The following ST8SIA6 variants were observed in gnomAD, a reference collection of about 807,000 sequenced individuals.
The protein encoded by ST8SIA6 is alpha-2,8-sialyltransferase 8F.
In ST8SIA6, 39 loss-of-function variants were observed where a neutral mutation model predicts 33.6. The observed-to-expected ratio is 1.16, with a 90% CI of 0.90 to 1.52. The LOEUF (loss-of-function observed/expected upper bound fraction) is 1.52. ST8SIA6 is among the 40% of genes most tolerant of loss of function. ST8SIA6 has a pLI of 0.00. For synonymous variants in ST8SIA6, 172 were observed against 167.2 expected, an observed-to-expected ratio of 1.03 and a Z score of -0.22; for missense variants, 441 against 443.8, an observed-to-expected ratio of 0.99 and a Z score of 0.06.
chr10:17,343,105 A>G (rs2131599198), intron 4 of ST8SIA6, among the ~76,000 whole-genome samples: 1 of 152,306 alleles, frequency 6.6e-6, no homozygotes, highest in African/African-American at 2.4e-5. Flanking sequence ...GCACTGTGCT[A>G]GGCTCTGGGG....
intron 2 of ST8SIA6, among the ~76,000 whole-genome samples, chr10:17,436,954 C>A (rs1271969058): frequency 5.9e-5 from 9 of 152,150 alleles, no homozygotes; most frequent in Non-Finnish European, 8.8e-5. Flanking sequence ...ATACATTAAA[C>A]TTCTTTCTTT....
chr10:17,354,496 C>G (rs1353690298), intron 4 of ST8SIA6, among the ~76,000 whole-genome samples: 2 of 152,190 alleles, frequency 1.3e-5, no homozygotes, highest in African/African-American at 4.8e-5. Flanking sequence ...TGACTTTGTA[C>G]TGCTACACCT....
At chr10:17,418,958 C>T (rs968259048) in intron 2 of ST8SIA6, among the ~76,000 whole-genome samples, 5 of 131,604 alleles carry the variant, frequency 3.8e-5, no homozygotes, top group South Asian at 2.3e-4. Flanking sequence ...GTGCCACTGC[C>T]GTCCAGCCTG....
chr10:17,417,823 A>C (rs1359496150), intron 2 of ST8SIA6, among the ~76,000 whole-genome samples: 6 of 152,130 alleles, frequency 3.9e-5, no homozygotes, highest in Non-Finnish European at 8.8e-5. Flanking sequence ...GTTGACAGGG[A>C]ATTAATAGAA....
intron 2 of ST8SIA6, among the ~76,000 whole-genome samples, chr10:17,405,205 T>C (rs1018576426): frequency 2.0e-5 from 3 of 151,918 alleles, no homozygotes; most frequent in East Asian, 3.9e-4. Flanking sequence ...CTCACCTTTA[T>C]AAAAAAACTT....
intron 2 of ST8SIA6, chr10:17,410,600 C>T (rs1014602408): frequency 3.3e-5 from 5 of 152,070 alleles, no homozygotes; most frequent in South Asian, 2.1e-4. Flanking sequence ...CTATTAGTAG[C>T]CTCCTAATAA....
intron 4 of ST8SIA6, among the ~76,000 whole-genome samples, chr10:17,341,208 C>T (rs1348307762): frequency 1.3e-5 from 2 of 152,154 alleles, no homozygotes; most frequent in Non-Finnish European, 2.9e-5. Flanking sequence ...GACAGAGATA[C>T]ATACAACTCT....
chr10:17,453,842 G>C (rs1016498610), intron 1 of ST8SIA6, among the ~76,000 whole-genome samples, 185 bp from the exon 2 acceptor site: 4 of 152,194 alleles, frequency 2.6e-5, no homozygotes, highest in Admixed American at 2.6e-4. Flanking sequence ...GACCAGAATG[G>C]GGAGCATGAG....
At chr10:17,330,635 T>C (rs45452394) in intron 5 of ST8SIA6, among the ~76,000 whole-genome samples, 3,118 of 152,300 alleles carry the variant, frequency 0.02, 60 homozygotes, top group Non-Finnish European at 0.027. Context: ...GAATCTCATA[T>C]CCTACAGTTA....
intron 2 of ST8SIA6, among the ~76,000 whole-genome samples, chr10:17,412,331 A>T (rs543042612): frequency 2.0e-4 from 31 of 152,244 alleles, no homozygotes; most frequent in African/African-American, 6.0e-4. Context: ...GCCAAGCCCA[A>T]TCCCCAGACC....
intron 3 of ST8SIA6, among the ~76,000 whole-genome samples, chr10:17,371,804 G>A (rs11254556): frequency 0.13 from 14,957 of 118,718 alleles, 1,416 homozygotes; most frequent in Non-Finnish European, 0.16. Context: ...AAAAAAAAAA[G>A]AAAGAAAGTA....
chr10:17,433,284 T>TAC (rs1322975367), intron 2 of ST8SIA6, among the ~76,000 whole-genome samples: 3 of 152,170 alleles, frequency 2.0e-5, no homozygotes, highest in Non-Finnish European at 4.4e-5. Flanking sequence ...ATCAAGTTGT[T>TAC]ACACACACAC....
intron 3 of ST8SIA6, among the ~76,000 whole-genome samples, chr10:17,371,102 A>G (rs1250894117): frequency 2.6e-5 from 4 of 152,194 alleles, no homozygotes; most frequent in South Asian, 4.1e-4. Context: ...TAGATGGGAC[A>G]TGGTATGGCT....
chr10:17,351,284 G>A (rs971673405), intron 4 of ST8SIA6, among the ~76,000 whole-genome samples: 2 of 151,578 alleles, frequency 1.3e-5, no homozygotes, highest in Non-Finnish European at 2.9e-5. Context: ...TCCAAGACTA[G>A]ATATCCAGTT....
At position 17,333,684 on chromosome 10, in the gene ST8SIA6, TATATATATATATATATATATATATA is replaced by T. The variant is rs1564404745; in HGVS notation, c.378-2157_378-2133del. 2.5e-4 allele frequency among the ~76,000 whole-genome samples: 4 copies of T among 16,202 alleles called. No individual in the cohort carries two copies. In the East Asian group the frequency reaches 0.017, roughly 68 times the overall value. 10.6% of individuals were successfully genotyped at this position (16,202 alleles called of 152,430 possible). A position where few individuals can be genotyped will look rare whatever the true frequency, so the allele number is the denominator to read the frequency against. ...TAAATGGTGCTGGGATATATATATA[TATATATATATATATATATATATATA>T]TATATATATTTTTTTTTTTTTTTTT... On this transcript the variant is annotated intron_variant, in intron 4 of 7. Transcript: ENST00000377602.
chr10:17,321,135 T>C lies in ST8SIA6; in HGVS notation c.940A>G (p.Lys314Glu). Residue 314 changes from lysine to glutamate, a missense_variant, in exon 8 of 8, where the codon AAA (lysine) becomes GAA (glutamate). Coordinates refer to ENST00000377602, the MANE Select transcript of ST8SIA6 (RefSeq NM_001004470.3). The stretch of plus-strand genomic sequence containing the variant: ...GACAAGCGGTATGCAGTCACACCTT[T>C]AGTTCTCCAGAAAAGGGCCAGATCT... ...LKDLALFWRT[K>E]GVTAYRLSTG... 6.2e-7 allele frequency: 1 copy of C among 1,614,144 alleles called. No homozygotes were observed.
At chr10:17,453,758 C>A in intron 1 of ST8SIA6, 101 bp from the exon 2 acceptor site, 1 of 911,754 alleles carries the variant, frequency 1.1e-6, no homozygotes, top group Non-Finnish European at 1.5e-6. Context: ...AGATCTCGCA[C>A]TCCCCGGCTC....
intron 2 of ST8SIA6, among the ~76,000 whole-genome samples, chr10:17,437,014 A>C (rs1852287062): frequency 1.3e-5 from 2 of 152,168 alleles, no homozygotes; most frequent in Non-Finnish European, 2.9e-5. Context: ...GTGAAAACTA[A>C]CTAATACAAA....
intron 3 of ST8SIA6, among the ~76,000 whole-genome samples, chr10:17,371,443 G>T (rs1425667576): frequency 6.6e-6 from 1 of 151,996 alleles, no homozygotes; most frequent in African/African-American, 2.4e-5. Flanking sequence ...TGAATTCTGG[G>T]GCATCCAGTG....
Sources: allele counts gnomAD v4.1 joint callset (sites outside exome capture counted in the v4.1 genomes callset), GRCh38; gene constraint gnomAD v4.1.1; transcripts MANE v1.5; gene names NCBI Gene and HGNC (gene_info 2026-07-23, HGNC 2026-07-21).